TEX11: variants seen among roughly 807,000 people sequenced by gnomAD.
TEX11 encodes the protein testis expressed 11.
In TEX11, 7 loss-of-function variants were observed where a neutral mutation model predicts 84.4. That is an observed-to-expected ratio of 0.08 (90% CI 0.05 to 0.16). TEX11 has a LOEUF of 0.16. TEX11 is among the 10% of genes least tolerant of loss of function. The pLI is 1.00. For synonymous variants in TEX11, 264 were observed against 222.8 expected (o/e 1.18, Z -1.64); for missense variants, 551 against 660.5 (o/e 0.83, Z 1.82).
chrX:70,858,455 AAAG>A (rs1258645033), intron 5 of TEX11, among the ~76,000 whole-genome samples: 11 of 107,947 alleles, frequency 1.0e-4, no homozygotes, highest in Non-Finnish European at 2.1e-4. Flanking sequence ...AAAAAAAAAA[AAAG>A]AAGAAGAAGA....
intron 24 of TEX11, among the ~76,000 whole-genome samples, chrX:70,597,187 A>T (rs2089019174): frequency 8.9e-6 from 1 of 112,120 alleles, no homozygotes; most frequent in Non-Finnish European, 1.9e-5. Context: ...CATGTTCATG[A>T]ATCAGAGGCT....
chrX:70,725,704 A>G (rs751448118), intron 11 of TEX11, among the ~76,000 whole-genome samples: 55 of 112,300 alleles, frequency 4.9e-4, no homozygotes, highest in African/African-American at 1.8e-3. Flanking sequence ...TCCTTTGCAA[A>G]CAATGGCGGA....
chrX:70,720,791 A>C (rs1183701290), intron 13 of TEX11, among the ~76,000 whole-genome samples: 1 of 105,945 alleles, frequency 9.4e-6, no homozygotes, highest in African/African-American at 3.5e-5. Context: ...TATATATATG[A>C]AAACCATATT....
At chrX:70,553,948 A>G (rs2088253380) in intron 26 of TEX11, among the ~76,000 whole-genome samples, 1 of 111,736 alleles carries the variant, frequency 8.9e-6, no homozygotes, top group Non-Finnish European at 1.9e-5. Flanking sequence ...TCACATGTCC[A>G]TAAAGTATAT....
At chrX:70,897,194 G>T (rs1196547983) in intron 2 of TEX11, among the ~76,000 whole-genome samples, 199 of 26,505 alleles carry the variant, frequency 7.5e-3, no homozygotes, top group African/African-American at 0.013. Flanking sequence ...TATAATATAT[G>T]TTATATATTA....
At position 70,672,609 on chromosome X, in the gene TEX11, T is replaced by C. The variant is rs2090035257; in HGVS notation, c.1243-2095A>G. ...TTTCCCTAATGACTCATAAGTCATC[T>C]TTTTTGGGTGCTTATTTTCATGCAT... On this transcript the variant is annotated intron_variant, in intron 15 of 29. Transcript: ENST00000374333. 2.7e-5 allele frequency among the ~76,000 whole-genome samples: 3 copies of C among 111,386 alleles called. No homozygotes were observed. The Admixed American group carries it at 2.9e-4, about 11-fold the overall frequency.
chrX:70,754,688 C>T (rs1207679860), intron 9 of TEX11, among the ~76,000 whole-genome samples: 2 of 110,287 alleles, frequency 1.8e-5, no homozygotes, highest in African/African-American at 6.6e-5. Context: ...CCAGCACAGT[C>T]AAAGTGGTAG....
chrX:70,634,317 T>C (rs1435855408), intron 17 of TEX11, among the ~76,000 whole-genome samples: 2 of 112,070 alleles, frequency 1.8e-5, no homozygotes, highest in African/African-American at 3.2e-5. Context: ...ATAGATTCAA[T>C]GTAATACGAA....
chrX:70,749,428 A>G (rs1447058284), intron 9 of TEX11, among the ~76,000 whole-genome samples: 1 of 110,433 alleles, frequency 9.1e-6, no homozygotes. Flanking sequence ...TCTCCTGCCT[A>G]ATTGCCCTGG....
chrX:70,705,049 G>A (rs1436712387), intron 13 of TEX11, among the ~76,000 whole-genome samples: 1 of 111,735 alleles, frequency 8.9e-6, no homozygotes, highest in Non-Finnish European at 1.9e-5. Context: ...TTATTAAATA[G>A]GGAATCCTTT....
At chrX:70,552,334 A>T in intron 27 of TEX11, 88 bp from the exon 28 acceptor site, 1 of 1,065,102 alleles carries the variant, frequency 9.4e-7, no homozygotes, top group Non-Finnish European at 1.3e-6. Context: ...ATCTCATCCC[A>T]GACTAACAGC....
intron 25 of TEX11, among the ~76,000 whole-genome samples, chrX:70,580,925 C>G (rs2088763561): frequency 9.5e-6 from 1 of 105,428 alleles, no homozygotes; most frequent in Non-Finnish European, 1.9e-5. Flanking sequence ...AATGGATAAT[C>G]ATTGGATACC....
intron 25 of TEX11, among the ~76,000 whole-genome samples, chrX:70,589,383 C>CTA (rs1405547115): frequency 9.1e-6 from 1 of 109,940 alleles, no homozygotes; most frequent in African/African-American, 3.3e-5. Context: ...TATACTTAGA[C>CTA]TATATATATG....
intron 3 of TEX11, among the ~76,000 whole-genome samples, chrX:70,875,028 T>C (rs1186350058): frequency 1.9e-5 from 2 of 107,897 alleles, no homozygotes; most frequent in Non-Finnish European, 3.8e-5. Context: ...ATACAAAAAT[T>C]AGTCGTGCGT....
chrX:70,527,972 G>A (rs899129769), downstream of TEX11, among the ~76,000 whole-genome samples: 1 of 112,267 alleles, frequency 8.9e-6, no homozygotes, highest in African/African-American at 3.2e-5. Context: ...AAAAGGTAGT[G>A]TAATCTTATG....
At chrX:70,659,785 G>A (rs73542484) in intron 16 of TEX11, among the ~76,000 whole-genome samples, 9,717 of 111,785 alleles carry the variant, frequency 0.087, 920 homozygotes, top group African/African-American at 0.27. Context: ...ATTCATAATA[G>A]CCAAAATGTC....
At chrX:70,528,320 C>T (rs2087841903), downstream of TEX11, among the ~76,000 whole-genome samples, 1 of 110,870 alleles carries the variant, frequency 9.0e-6, no homozygotes, top group Admixed American at 9.7e-5. Flanking sequence ...GGGATAAGTT[C>T]CTTTTTTTGT....
At chrX:70,903,301 A>G in intron 2 of TEX11, among the ~76,000 whole-genome samples, 1 of 111,602 alleles carries the variant, frequency 9.0e-6, no homozygotes, top group Non-Finnish European at 1.9e-5. Context: ...ATCAAGTATT[A>G]TGTACTGTAC....
intron 24 of TEX11, among the ~76,000 whole-genome samples, chrX:70,593,718 T>G (rs2088966186): frequency 8.9e-6 from 1 of 111,913 alleles, no homozygotes; most frequent in Non-Finnish European, 1.9e-5. Context: ...ATTCTGGAGT[T>G]GAAAACTACA....
Sources: allele counts gnomAD v4.1 joint callset (sites outside exome capture counted in the v4.1 genomes callset), GRCh38; gene constraint gnomAD v4.1.1; transcripts MANE v1.5; gene names NCBI Gene and HGNC (gene_info 2026-07-23, HGNC 2026-07-21).